Variants in JAKMIP3 observed in about 807,000 individuals in gnomAD.
JAKMIP3 encodes the protein Janus kinase and microtubule interacting protein 3, also known as janus kinase and microtubule-interacting protein 3.
In JAKMIP3, 58 loss-of-function variants were observed where a neutral mutation model predicts 118.5. That is an observed-to-expected ratio of 0.49 (90% CI 0.40 to 0.61). The LOEUF (loss-of-function observed/expected upper bound fraction) is 0.61. Ranked by LOEUF, JAKMIP3 falls within the 20% of genes least tolerant of loss-of-function variation. The probability of loss-of-function intolerance (pLI) is 0.00; values close to 1 mark genes in which losing one functional copy is unlikely to be tolerated. For missense variants in JAKMIP3, 950 were observed against 1,109.0 expected, an observed-to-expected ratio of 0.86 and a Z score of 2.04; for synonymous variants, 486 against 451.2, an observed-to-expected ratio of 1.08 and a Z score of -0.98.
intron 1 of JAKMIP3, among the ~76,000 whole-genome samples, chr10:132,079,155 GGCCCA>G (rs10546438): frequency 0.016 from 1,954 of 119,526 alleles, 15 homozygotes; most frequent in African/African-American, 0.033. Context: ...GGGAGCGGAC[GGCCCA>G]GCCCCACAGC....
At chr10:132,129,887 T>C (rs1465563502) in intron 3 of JAKMIP3, among the ~76,000 whole-genome samples, 1 of 151,524 alleles carries the variant, frequency 6.6e-6, no homozygotes, top group Non-Finnish European at 1.5e-5. Flanking sequence ...TTTTTTTTTT[T>C]TTTTTCCTTC....
At chr10:132,125,497 C>T (rs1035692497) in intron 3 of JAKMIP3, among the ~76,000 whole-genome samples, 4 of 152,246 alleles carry the variant, frequency 2.6e-5, no homozygotes, top group Non-Finnish European at 5.9e-5. Flanking sequence ...GACATCTCGT[C>T]GTCTAAGTTC....
At chr10:132,122,238 G>C (rs1436398235) in intron 3 of JAKMIP3, among the ~76,000 whole-genome samples, 1 of 150,460 alleles carries the variant, frequency 6.6e-6, no homozygotes, top group African/African-American at 2.5e-5. Flanking sequence ...CTCCCCGGCT[G>C]TTGGGGCCCT....
chr10:132,136,346 G>T (rs958485212), intron 6 of JAKMIP3, among the ~76,000 whole-genome samples: 4 of 152,226 alleles, frequency 2.6e-5, no homozygotes. Flanking sequence ...TCTCACTCAA[G>T]GGCCTGGAAC....
rs1226502808 is a variant in JAKMIP3 at position 132,183,885 on chromosome 10, AT to A, written c.*2635del. On this transcript the variant is annotated 3_prime_UTR_variant, in exon 24 of 24. Transcript: ENST00000684848. ...ATTCAAGTATTTAAAAATAAGGTGC[AT>A]TTCTAAATTGCAGGCTATACCTTCT... 6.6e-6 allele frequency: 1 copy of A among 152,218 alleles called. No individual in the cohort carries two copies. The highest frequency in any genetic ancestry group is 2.4e-5 in the African/African-American group (1 of 41,446). 9.4% of individuals were successfully genotyped at this position (152,218 alleles called of 1,614,324 possible). A position where few individuals can be genotyped will look rare whatever the true frequency, so the allele number is the denominator to read the frequency against.
At chr10:132,176,854 T>C (rs1188945254) in intron 23 of JAKMIP3, among the ~76,000 whole-genome samples, 2 of 152,004 alleles carry the variant, frequency 1.3e-5, no homozygotes, top group African/African-American at 4.8e-5. Flanking sequence ...CCGGATGCGC[T>C]GGTGCCGCGA....
chr10:132,179,900 C>G lies in JAKMIP3; in HGVS notation c.*1104-2457C>G, dbSNP rs976307531. ...GCAGACTTCCTGTGCTCTCTCCCCT[C>G]CCATGCTCTTCCCCCTGTGAGGTGC... On this transcript the variant is annotated intron_variant, in intron 23 of 23. Transcript: ENST00000684848. The surrounding 1 kb of genome is among the most constrained non-coding windows in gnomAD (Gnocchi z 4.3). Among the ~76,000 whole-genome samples, 2 of 152,182 alleles carry G rather than the reference C, an allele frequency of 1.3e-5. No homozygotes were observed. Among genetic ancestry groups the G allele is most frequent in the Non-Finnish European group, 2.9e-5 (2 of 68,046 alleles).
chr10:132,133,246 C>T (rs1012574798), intron 3 of JAKMIP3, 66 bp from the exon 4 acceptor site: 33 of 1,358,374 alleles, frequency 2.4e-5, no homozygotes, highest in South Asian at 7.5e-5. Context: ...GGGCTGCGCC[C>T]GTTTCTATGG....
At position 132,117,642 on chromosome 10, in the gene JAKMIP3, CGGGCGTGGGCGAGGGTGCAGG is replaced by C. The variant is rs2047917067; in HGVS notation, c.633+69_633+89del. ...GCGGGCGTGGGCGAGGGTGCAGGGG[CGGGCGTGGGCGAGGGTGCAGG>C]CGTGGGCTCGGGGAGCACGCGGGCA... is the stretch of plus-strand genomic sequence containing the variant. On this transcript the variant is annotated intron_variant, in intron 3 of 23. Transcript: ENST00000684848. The surrounding 1 kb of genome is among the most constrained non-coding windows in gnomAD (Gnocchi z 8.6). 1 of 841,982 alleles carries C rather than the reference CGGGCGTGGGCGAGGGTGCAGG, an allele frequency of 1.2e-6. No homozygotes were observed. Among genetic ancestry groups the C allele is most frequent in the Non-Finnish European group, 1.5e-6 (1 of 659,532 alleles). The allele number at this position is 841,982 out of a possible 1,614,324, so 52.2% of individuals were successfully genotyped here.
intron 1 of JAKMIP3, among the ~76,000 whole-genome samples, chr10:132,040,995 T>G (rs954496277): frequency 6.6e-6 from 1 of 152,226 alleles, no homozygotes; most frequent in African/African-American, 2.4e-5. Context: ...CCATCCAGGC[T>G]GCAAATGGCA....
rs574969441 is a variant in JAKMIP3 at position 132,156,761 on chromosome 10, G to A, written c.2220+2771G>A. ...CCTGGCAGGCAGCAGGTGCTTTGCG[G>A]GTGATGCATAGGTGAAGAGGAAAAG... is the stretch of plus-strand genomic sequence containing the variant. On this transcript the variant is annotated intron_variant, in intron 19 of 23. Coordinates refer to ENST00000684848, the MANE Select transcript of JAKMIP3 (RefSeq NM_001323087.2). 3.2e-4 allele frequency among the ~76,000 whole-genome samples: 49 copies of A among 152,298 alleles called. 1 individual carries two copies. Among genetic ancestry groups the A allele is most frequent in the Admixed American group, 2.9e-3 (44 of 15,300 alleles).
rs562850447 is a variant in JAKMIP3, at chr10:132,172,591, C to T, written c.*1103+3558C>T. Among the ~76,000 whole-genome samples, 5 of 152,104 alleles carry T rather than the reference C, an allele frequency of 3.3e-5. No homozygotes were observed. The South Asian group carries it at 8.3e-4, about 25-fold the overall frequency. ...TTCTCCTATTTCTTTGCTTATGTAT[C>T]GCACTGTATGCTTCCAGCCGTTCAG... On this transcript the variant is annotated intron_variant, in intron 23 of 23. Coordinates refer to ENST00000684848, the MANE Select transcript of JAKMIP3 (RefSeq NM_001323087.2).
Position 132,117,375 on chromosome 10 carries a change from A to G in JAKMIP3, c.434A>G (p.Lys145Arg), listed in dbSNP as rs752743833. The G allele has an allele frequency of 1.2e-6, 2 of 1,613,946 alleles. No individual in the cohort carries two copies. Among genetic ancestry groups the G allele is most frequent in the Non-Finnish European group, 1.7e-6 (2 of 1,179,884 alleles). ...LLSEAKEEAKKGFEVEKVKMQ... is the reference protein window; with the variant it reads ...LLSEAKEEAKRGFEVEKVKMQ... ...TCCGAGGCCAAGGAGGAGGCCAAGA[A>G]GGGGTTCGAGGTGGAGAAGGTCAAG... The change falls in exon 3 of 24, where the codon AAG (lysine) becomes AGG (arginine). Residue 145 changes from lysine to arginine, a missense_variant. Lys to Arg is a conservative substitution (Grantham distance 26). Transcript: ENST00000684848. This position sits in a 1 kb window ranked among gnomAD's most constrained non-coding sequence, Gnocchi z 8.6.
chr10:132,039,403 A>G (rs900934581), intron 1 of JAKMIP3, among the ~76,000 whole-genome samples: 6 of 113,596 alleles, frequency 5.3e-5, no homozygotes, highest in African/African-American at 1.7e-4. Flanking sequence ...ATCCCCCCAT[A>G]CCTGCAACCC....
chr10:132,167,210 G>A (rs1012169841), intron 22 of JAKMIP3, among the ~76,000 whole-genome samples, 155 bp downstream of exon 22: 6 of 152,148 alleles, frequency 3.9e-5, no homozygotes, highest in African/African-American at 7.2e-5. Flanking sequence ...AAAGCCACCC[G>A]CGTCCTTCAA....
intron 9 of JAKMIP3, among the ~76,000 whole-genome samples, chr10:132,138,820 C>CCA (rs1190615901): frequency 1.3e-5 from 2 of 152,188 alleles, no homozygotes; most frequent in African/African-American, 4.8e-5. Context: ...CCTGGCTGTG[C>CCA]CACACACCCC....
intron 23 of JAKMIP3, among the ~76,000 whole-genome samples, chr10:132,176,214 GC>G (rs1477149347): frequency 6.6e-6 from 1 of 152,248 alleles, no homozygotes; most frequent in Non-Finnish European, 1.5e-5. Flanking sequence ...CCTGGGCTCA[GC>G]CGTGTGTTTG....
chr10:132,153,074 C>G, intron 17 of JAKMIP3, 51 bp downstream of exon 17: 1 of 1,443,570 alleles, frequency 6.9e-7, no homozygotes, highest in Non-Finnish European at 9.6e-7. Context: ...CCTGGGGTCT[C>G]CTGCCCTGCT....
At position 132,180,544 on chromosome 10, in the gene JAKMIP3, TGCGTGCGTGCATGCGTGTGTGTGC is replaced by T. The variant is rs1333302482; in HGVS notation, c.*1104-1811_*1104-1788del. Among the ~76,000 whole-genome samples, 2 of 25,980 alleles carry T rather than the reference TGCGTGCGTGCATGCGTGTGTGTGC, an allele frequency of 7.7e-5. 1 individual carries two copies. The highest frequency in any genetic ancestry group is 4.5e-4 in the African/African-American group (2 of 4,486). The allele number at this position is 25,980 out of a possible 152,430, so 17.0% of individuals were successfully genotyped here. ...AGAACTGTGTGTGTGTGTGTGTGTGTGCGTGCGTGCATGCGTGTGTGTGCGTGTGTGTGTGCGTGCGCGTGTGTG... is the reference window on the plus strand; with the variant it reads ...AGAACTGTGTGTGTGTGTGTGTGTGTGTGTGTGTGTGCGTGCGCGTGTGTG... On this transcript the variant is annotated intron_variant, in intron 23 of 23. Transcript: ENST00000684848.
Sources: allele counts gnomAD v4.1 joint callset (sites outside exome capture counted in the v4.1 genomes callset), GRCh38; gene constraint gnomAD v4.1.1; non-coding constraint Gnocchi (gnomAD v3.1); transcripts MANE v1.5; gene names NCBI Gene and HGNC (gene_info 2026-07-23, HGNC 2026-07-21).